Variants in ROBO2 observed in about 807,000 individuals in gnomAD.
The protein encoded by ROBO2 is roundabout homolog 2.
Under a neutral mutation model 160.8 loss-of-function variants are expected in ROBO2, and 53 were observed. That is an observed-to-expected ratio of 0.33 (90% CI 0.26 to 0.41). The LOEUF (loss-of-function observed/expected upper bound fraction) is 0.41, where lower values mean the gene tolerates loss of function less well. ROBO2 is among the 10% of genes least tolerant of loss of function. The pLI is 1.00. For synonymous variants in ROBO2, 664 were observed against 611.7 expected, an observed-to-expected ratio of 1.09 and a Z score of -1.26; for missense variants, 1,577 against 1,722.4, an observed-to-expected ratio of 0.92 and a Z score of 1.49.
At chr3:76,128,067 T>G (rs2071068797) in intron 2 of ROBO2, among the ~76,000 whole-genome samples, 1 of 151,882 alleles carries the variant, frequency 6.6e-6, no homozygotes, top group Non-Finnish European at 1.5e-5. Flanking sequence ...AGCTAATTTT[T>G]GCATTTTTAG....
chr3:76,353,528 A>G (rs1349209108), intron 2 of ROBO2, among the ~76,000 whole-genome samples: 3 of 151,926 alleles, frequency 2.0e-5, no homozygotes, highest in African/African-American at 7.2e-5. Flanking sequence ...TTGTTGCCTA[A>G]CATTTCTCAT....
intron 2 of ROBO2, among the ~76,000 whole-genome samples, chr3:77,318,482 A>T (rs2064308362): frequency 6.6e-6 from 1 of 152,208 alleles, no homozygotes; most frequent in Non-Finnish European, 1.5e-5. Flanking sequence ...GAATACAAGT[A>T]TTTCTGTTAT....
chr3:77,374,005 A>C (rs1206422650), intron 2 of ROBO2, among the ~76,000 whole-genome samples: 1 of 151,410 alleles, frequency 6.6e-6, no homozygotes. Flanking sequence ...CCCCATCACT[A>C]CTAAAAATAA....
chr3:76,968,452 G>A (rs1056901364), intron 2 of ROBO2, among the ~76,000 whole-genome samples: 4 of 151,974 alleles, frequency 2.6e-5, no homozygotes, highest in African/African-American at 9.7e-5. Context: ...CTCCTTTTAG[G>A]AAATTTACAT....
chr3:76,749,842 A>C (rs1307420159), intron 2 of ROBO2, among the ~76,000 whole-genome samples: 1 of 152,062 alleles, frequency 6.6e-6, no homozygotes, highest in South Asian at 2.1e-4. Context: ...GACCAGATGG[A>C]TTCACAGCTG....
Position 77,614,645 on chromosome 3 carries a change from G to A in ROBO2, c.3294-2868G>A, listed in dbSNP as rs1022361971. Among the ~76,000 whole-genome samples the A allele has an allele frequency of 2.6e-5, 4 of 152,054 alleles. No homozygotes were observed. In the South Asian group the frequency reaches 8.3e-4, roughly 32 times the overall value. ...ACAATTATAACTAACTTTGAAGGAA[G>A]AATCTTTGGAATTCGGGAAAAAGCA... is the stretch of plus-strand genomic sequence containing the variant. On this transcript the variant is annotated intron_variant, in intron 21 of 25. Coordinates refer to ENST00000461745, the Ensembl canonical transcript of ROBO2.
rs115735743 is a variant in ROBO2 at position 77,085,759 on chromosome 3, G to A, written c.62-12255G>A. On this transcript the variant is annotated intron_variant, in intron 1 of 25. Transcript: ENST00000461745. The stretch of plus-strand genomic sequence containing the variant: ...ATCAGTATACTCATTTTTGACTTGG[G>A]CCTTTTATTTAAAGATACACAATTT... Among the ~76,000 whole-genome samples the A allele has an allele frequency of 9.1e-3, 1,384 of 151,988 alleles. 18 individuals carry two copies. Among genetic ancestry groups the A allele is most frequent in the African/African-American group, 0.031 (1,287 of 41,486 alleles).
At chr3:77,095,923 T>C (rs1306916048) in intron 1 of ROBO2, among the ~76,000 whole-genome samples, 2 of 152,156 alleles carry the variant, frequency 1.3e-5, no homozygotes, top group Non-Finnish European at 2.9e-5. Flanking sequence ...TAGTTTTTTT[T>C]TTAAAGTTCT....
At chr3:77,470,054 G>C (rs1269955682) in intron 2 of ROBO2, among the ~76,000 whole-genome samples, 1 of 152,168 alleles carries the variant, frequency 6.6e-6, no homozygotes, top group Non-Finnish European at 1.5e-5. Flanking sequence ...GGAGTTACTT[G>C]CAGGCAGAAA....
At chr3:76,138,848 A>AT (rs2071525897) in intron 2 of ROBO2, among the ~76,000 whole-genome samples, 1 of 152,086 alleles carries the variant, frequency 6.6e-6, no homozygotes, top group Non-Finnish European at 1.5e-5. Flanking sequence ...AGACATTTCA[A>AT]TTTTTTAGAA....
intron 2 of ROBO2, among the ~76,000 whole-genome samples, chr3:75,996,838 TCTG>T (rs779274829): frequency 4.0e-4 from 61 of 151,626 alleles, no homozygotes; most frequent in Non-Finnish European, 8.0e-4. Context: ...AATCATCTAT[TCTG>T]ATATATGTAA....
chr3:77,601,528 C>T (rs2094429776), intron 19 of ROBO2, among the ~76,000 whole-genome samples: 1 of 152,154 alleles, frequency 6.6e-6, no homozygotes, highest in South Asian at 2.1e-4. Context: ...TGTATTACAA[C>T]ATGAAACTGT....
rs1399867100 is a variant in ROBO2, at chr3:76,555,425, G to GAAGAAGAAGAAGAAGAAGAAGAAGAAGAA, written c.110-542588_110-542587insAGAAGAAGAAGAAGAAGAAGAAGAAGAAA. Among the ~76,000 whole-genome samples the GAAGAAGAAGAAGAAGAAGAAGAAGAAGAA allele has an allele frequency of 3.6e-3, 244 of 68,464 alleles. 7 individuals carry two copies. The highest frequency in any genetic ancestry group is 6.0e-3 in the Non-Finnish European group (182 of 30,476). The allele number at this position is 68,464 out of a possible 152,430, so 44.9% of individuals were successfully genotyped here. A position where few individuals can be genotyped will look rare whatever the true frequency, so the allele number is the denominator to read the frequency against. On this transcript the variant is annotated intron_variant, in intron 2 of 26. Transcript: ENST00000487694. ...AAGAAGAAGAAGAAGAAGAAAGAAG[G>GAAGAAGAAGAAGAAGAAGAAGAAGAAGAA]AGAAGGGGAAGGGGAAGAGGAAGAG...
intron 2 of ROBO2, among the ~76,000 whole-genome samples, chr3:76,766,164 T>C (rs1034168645): frequency 2.0e-5 from 3 of 151,668 alleles, no homozygotes; most frequent in African/African-American, 7.2e-5. Flanking sequence ...CACAAGCACT[T>C]GAACCCAAGA....
chr3:77,642,781 C>T (rs1315610541), intron 24 of ROBO2: 6 of 456,578 alleles, frequency 1.3e-5, no homozygotes, highest in Non-Finnish European at 2.2e-5. Flanking sequence ...AGGAAGCTCT[C>T]TAGAGAGACA....
intron 2 of ROBO2, among the ~76,000 whole-genome samples, chr3:76,230,063 T>A (rs1304455298): frequency 6.6e-6 from 1 of 152,084 alleles, no homozygotes; most frequent in Non-Finnish European, 1.5e-5. Context: ...AATCAAGCCT[T>A]TTCTTAAAGA....
intron 2 of ROBO2, among the ~76,000 whole-genome samples, chr3:76,629,896 T>C (rs1447026665): frequency 6.6e-6 from 1 of 152,148 alleles, no homozygotes; most frequent in Non-Finnish European, 1.5e-5. Flanking sequence ...TACCATACTT[T>C]TCTGAGAATT....
intron 2 of ROBO2, among the ~76,000 whole-genome samples, chr3:77,414,247 G>A (rs933769233): frequency 1.8e-4 from 27 of 152,198 alleles, no homozygotes; most frequent in Admixed American, 9.2e-4. Context: ...AGAACTGACC[G>A]TTGGAAACAG....
At chr3:76,719,317 A>T (rs564319451) in intron 2 of ROBO2, among the ~76,000 whole-genome samples, 1 of 152,314 alleles carries the variant, frequency 6.6e-6, no homozygotes, top group African/African-American at 2.4e-5. Flanking sequence ...AACAATATTC[A>T]TGTTGCCACA....
Sources: gnomAD v4.1 joint callset for allele counts (sites outside exome capture counted in the v4.1 genomes callset) on GRCh38, gnomAD v4.1.1 for gene constraint, MANE v1.5 for transcripts, NCBI Gene and HGNC (gene_info 2026-07-23, HGNC 2026-07-21) for gene names.